The following ANGPTL6 variants were observed in gnomAD, a reference collection of about 807,000 sequenced individuals.
ANGPTL6 encodes angiopoietin-related protein 6.
In ANGPTL6, 45 loss-of-function variants were observed where a neutral mutation model predicts 47.4. That is an observed-to-expected ratio of 0.95 (90% CI 0.75 to 1.22). ANGPTL6 has a LOEUF of 1.22. Ranked by LOEUF, ANGPTL6 falls within the 50% of genes most tolerant of loss-of-function variation. The pLI is 0.00. For missense variants in ANGPTL6, 698 were observed against 669.4 expected (o/e 1.04, Z -0.47); for synonymous variants, 290 against 295.9 (o/e 0.98, Z 0.20).
At chr19:10,094,690 C>T in intron 3 of ANGPTL6, 68 bp downstream of exon 3, 1 of 1,581,230 alleles carries the variant, frequency 6.3e-7, no homozygotes, top group Non-Finnish European at 8.7e-7. Flanking sequence ...TGAGAGAAAT[C>T]TGCCACTAAA....
chr19:10,094,559 C>A, intron 3 of ANGPTL6, 199 bp downstream of exon 3: 3 of 667,890 alleles, frequency 4.5e-6, no homozygotes. Context: ...TCCCAAACAT[C>A]GCCTCACTAA....
upstream of ANGPTL6, among the ~76,000 whole-genome samples, chr19:10,105,200 C>T (rs2088787970): frequency 6.6e-6 from 1 of 152,268 alleles, no homozygotes; most frequent in Non-Finnish European, 1.5e-5. Flanking sequence ...GAGAGGCTGC[C>T]AGGCTGGGCT....
chr19:10,098,968 C>T (rs1207705449), intron 1 of ANGPTL6, among the ~76,000 whole-genome samples: 1 of 152,146 alleles, frequency 6.6e-6, no homozygotes, highest in Non-Finnish European at 1.5e-5. Flanking sequence ...AGATCCAACC[C>T]ATCTCAGCAG....
intron 3 of ANGPTL6, chr19:10,094,482 T>A (rs2088479513): frequency 4.4e-6 from 2 of 451,318 alleles, no homozygotes; most frequent in Non-Finnish European, 3.9e-6. Flanking sequence ...TTTTATGGTC[T>A]CCTCACCATA....
At chr19:10,105,507 C>G (rs1328693034), upstream of ANGPTL6, among the ~76,000 whole-genome samples, 1 of 151,030 alleles carries the variant, frequency 6.6e-6, no homozygotes, top group South Asian at 2.1e-4. Context: ...GGGCCAGACA[C>G]AGAGAAAGGA....
At chr19:10,104,098 A>AG (rs1363007742), upstream of ANGPTL6, among the ~76,000 whole-genome samples, 71 of 151,358 alleles carry the variant, frequency 4.7e-4, no homozygotes, top group African/African-American at 1.6e-3. Context: ...AAAAAAAAAA[A>AG]AAAGAAAAGA....
intron 3 of ANGPTL6, chr19:10,094,502 C>G (rs983221242): frequency 1.2e-4 from 66 of 529,504 alleles, no homozygotes; most frequent in African/African-American, 1.2e-3. Context: ...AATATAAGTC[C>G]TGAATATGAT....
At chr19:10,093,083 A>G (rs951534534) in intron 5 of ANGPTL6, 2 of 503,532 alleles carry the variant, frequency 4.0e-6, no homozygotes, top group African/African-American at 3.8e-5. Flanking sequence ...CTTCCTTTCT[A>G]GAATAAGAGT....
upstream of ANGPTL6, chr19:10,106,129 A>C: frequency 1.7e-6 from 1 of 593,690 alleles, no homozygotes; most frequent in Non-Finnish European, 2.9e-6. Context: ...CAGCTGGAGG[A>C]AATGGGCCGA....
Position 10,092,756 on chromosome 19 carries a change from C to T in ANGPTL6, c.1246G>A (p.Gly416Arg). 6.2e-7 allele frequency: 1 copy of T among 1,608,130 alleles called. No homozygotes were observed. The highest frequency in any genetic ancestry group is 8.5e-7 in the Non-Finnish European group (1 of 1,175,294). The change falls in exon 6 of 6, where the codon GGA becomes AGA. Residue 416 changes from glycine (G) to arginine (R), a missense_variant. Coordinates refer to ENST00000253109, the MANE Select transcript of ANGPTL6 (RefSeq NM_031917.3). ...YSGNCALYQR[G>R]GWWYHACAHS... ...GCACAGGCATGGTACCACCAGCCTC[C>T]CCGCTGGTACAGGGCACAGTTACCT...
Position 10,096,408 on chromosome 19 carries a change from C to G in ANGPTL6, c.156G>C (p.Ala52=). 7.6e-7 allele frequency: 1 copy of G among 1,320,618 alleles called. No homozygotes were observed. Among genetic ancestry groups the G allele is most frequent in the Non-Finnish European group, 9.6e-7 (1 of 1,039,886 alleles). The allele number at this position is 1,320,618 out of a possible 1,614,324, so 81.8% of individuals were successfully genotyped here. A position where few individuals can be genotyped will look rare whatever the true frequency, so the allele number is the denominator to read the frequency against. The change falls in exon 2 of 6, where the codon GCG becomes GCC. Residue 52 remains alanine (A), a synonymous_variant. Transcript: ENST00000253109. ...CGCTGGCGTTGGCGGCCTCGGGCGT[C>G]GCCCGCGTGGATGCGGGGCCGCTCC... The part of the protein sequence containing the change: ...VCWSGPASTR[A]TPEAANASEL...
chr19:10,092,787 G>T lies in ANGPTL6; in HGVS notation c.1223-8C>A, dbSNP rs765443316. The T allele has an allele frequency of 1.9e-6, 3 of 1,579,462 alleles. No individual in the cohort carries two copies. The highest frequency in any genetic ancestry group is 2.6e-6 in the Non-Finnish European group (3 of 1,156,182). Reference sequence around the variant, plus strand: ...GGTACAGGGCACAGTTACCTGAGGGGAGAGAGAGAGTCCATGTCCTCTCAC... The same window carrying T: ...GGTACAGGGCACAGTTACCTGAGGGTAGAGAGAGAGTCCATGTCCTCTCAC... On this transcript the variant is annotated splice_region_variant and splice_polypyrimidine_tract_variant and intron_variant, in intron 5 of 5. Coordinates refer to ENST00000253109, the MANE Select transcript of ANGPTL6 (RefSeq NM_031917.3).
At chr19:10,101,195 C>T (rs549119100) in intron 1 of ANGPTL6, among the ~76,000 whole-genome samples, 3 of 151,008 alleles carry the variant, frequency 2.0e-5, no homozygotes, top group South Asian at 4.2e-4. Flanking sequence ...GGCAATAGAG[C>T]GAGACTCTGT....
upstream of ANGPTL6, among the ~76,000 whole-genome samples, chr19:10,103,988 G>A (rs1406521278): frequency 6.7e-6 from 1 of 150,146 alleles, no homozygotes; most frequent in African/African-American, 2.5e-5. Flanking sequence ...AGCTACTCAG[G>A]AGGCTGAGGC....
upstream of ANGPTL6, among the ~76,000 whole-genome samples, chr19:10,103,827 G>A (rs188904931): frequency 0.02 from 3,017 of 151,034 alleles, 85 homozygotes; most frequent in Middle Eastern, 0.048. Flanking sequence ...GGGCGCGGTG[G>A]CTCACGCCTG....
intron 2 of ANGPTL6, among the ~76,000 whole-genome samples, chr19:10,095,571 C>A (rs1273098171): frequency 6.6e-6 from 1 of 152,148 alleles, no homozygotes; most frequent in Non-Finnish European, 1.5e-5. Flanking sequence ...TCTCACCAAC[C>A]CTGTAACGTA....
intron 5 of ANGPTL6, 177 bp downstream of exon 5, chr19:10,093,172 T>G (rs1387062669): frequency 3.6e-6 from 3 of 838,272 alleles, no homozygotes; most frequent in Non-Finnish European, 1.8e-6. Context: ...GAATCTGGAC[T>G]CCCCATCCCC....
At chr19:10,094,693 C>T in intron 3 of ANGPTL6, 65 bp downstream of exon 3, 1 of 1,584,712 alleles carries the variant, frequency 6.3e-7, no homozygotes, top group East Asian at 2.2e-5. Context: ...GAGAAATCTG[C>T]CACTAAAATC....
intron 1 of ANGPTL6, among the ~76,000 whole-genome samples, chr19:10,099,875 CT>C: frequency 6.7e-6 from 1 of 148,180 alleles, no homozygotes; most frequent in African/African-American, 2.5e-5. Context: ...CTCTCTCTCT[CT>C]CCCCCACGCC....
Sources: gnomAD v4.1 joint callset for allele counts (sites outside exome capture counted in the v4.1 genomes callset) on GRCh38, gnomAD v4.1.1 for gene constraint, MANE v1.5 for transcripts, NCBI Gene and HGNC (gene_info 2026-07-23, HGNC 2026-07-21) for gene names.